BCL2L12: variants seen among roughly 807,000 people sequenced by gnomAD.
The protein encoded by BCL2L12 is bcl-2-like protein 12.
A neutral mutation model predicts 25.7 loss-of-function variants in BCL2L12; 27 were observed. That is an observed-to-expected ratio of 1.05 (90% CI 0.78 to 1.45). The LOEUF (loss-of-function observed/expected upper bound fraction) is 1.45. BCL2L12 is among the 40% of genes most tolerant of loss of function. The probability of loss-of-function intolerance (pLI) is 0.00; values close to 1 mark genes in which losing one functional copy is unlikely to be tolerated. For missense variants in BCL2L12, 302 were observed against 329.8 expected (o/e 0.92, Z 0.65); for synonymous variants, 132 against 145.6 (o/e 0.91, Z 0.67).
chr19:49,666,193 G>A (rs2122777046), intron 1 of BCL2L12, 126 bp downstream of exon 1: 1 of 1,307,618 alleles, frequency 7.6e-7, no homozygotes. Context: ...TTCCAGCAGG[G>A]GTCGGAGATT....
At chr19:49,670,187 A>G (rs769748764) in intron 5 of BCL2L12, 29 bp from the exon 6 acceptor site, 2 of 1,592,126 alleles carry the variant, frequency 1.3e-6, no homozygotes, top group Non-Finnish European at 1.7e-6. Context: ...GGCGCTGCTG[A>G]CGCGGACCCT....
chr19:49,670,535 T>C (rs1482133757), intron 6 of BCL2L12, 47 bp downstream of exon 6: 2 of 1,522,068 alleles, frequency 1.3e-6, no homozygotes, highest in Non-Finnish European at 1.8e-6. Context: ...TACCTAACTG[T>C]CATGTGATAG....
In BCL2L12 at chr19:49,672,388, A is replaced by C. The variant is rs987679297; in HGVS notation, c.703-1310A>C. 6.6e-6 allele frequency among the ~76,000 whole-genome samples: 1 copy of C among 152,048 alleles called. No individual in the cohort carries two copies. The highest frequency in any genetic ancestry group is 1.5e-5 in the Non-Finnish European group (1 of 67,998). ...AGCGGGCGACAGATGAGAGGAGGAG[A>C]GGCGCCGGGCCAGCCAGGACCCTGT... On this transcript the variant is annotated intron_variant, in intron 6 of 6. Transcript: ENST00000246784. This position sits in a 1 kb window ranked among gnomAD's most constrained non-coding sequence, Gnocchi z 4.1.
At position 49,670,233 on chromosome 19, in the gene BCL2L12, C is replaced by G; in HGVS notation, c.447C>G (p.Ala149=). 1.2e-6 allele frequency: 2 copies of G among 1,607,598 alleles called. No homozygotes were observed. The highest frequency in any genetic ancestry group is 1.7e-6 in the Non-Finnish European group (2 of 1,179,552). The change falls in exon 6 of 7, where the codon GCC becomes GCG. Residue 149 remains alanine, a synonymous_variant. Coordinates refer to ENST00000246784, the MANE Select transcript of BCL2L12 (RefSeq NM_138639.2). ...CCCTACAGCTGGCCTCGGACCCCGC[C>G]CTGCGCAGCAAGCTGGTCCGCCTGT... ...VINQKLASDP[A]LRSKLVRLSS...
upstream of BCL2L12, chr19:49,665,619 C>T (rs2081681719): frequency 6.3e-6 from 4 of 633,234 alleles, no homozygotes; most frequent in East Asian, 5.7e-5. Flanking sequence ...CTCCCGGGCT[C>T]TTCCGCGTTA....
In BCL2L12 at chr19:49,672,473, G is replaced by A. The variant is rs895773301; in HGVS notation, c.703-1225G>A. ...GGGTAAGCCAAGGTCTCTGAGCAGC[G>A]GAGGGACAGGCGCTGATTTAGGCGC... On this transcript the variant is annotated intron_variant, in intron 6 of 6. Coordinates refer to ENST00000246784, the MANE Select transcript of BCL2L12 (RefSeq NM_138639.2). This position sits in a 1 kb window ranked among gnomAD's most constrained non-coding sequence, Gnocchi z 4.1. Among the ~76,000 whole-genome samples the A allele has an allele frequency of 6.6e-6, 1 of 152,216 alleles. No individual in the cohort carries two copies. The highest frequency in any genetic ancestry group is 2.4e-5 in the African/African-American group (1 of 41,444).
upstream of BCL2L12, chr19:49,665,850 G>C: frequency 6.2e-7 from 1 of 1,603,622 alleles, no homozygotes; most frequent in Non-Finnish European, 8.5e-7. Flanking sequence ...GGCTGTTCCC[G>C]CCCCTATGCC....
upstream of BCL2L12, chr19:49,665,249 C>T (rs74735524): frequency 1.3e-4 from 25 of 190,960 alleles, no homozygotes; most frequent in African/African-American, 5.4e-4. Flanking sequence ...CAATGTAGAC[C>T]CCCTTCCACA....
intron 3 of BCL2L12, among the ~76,000 whole-genome samples, chr19:49,668,402 G>A (rs1306359316): frequency 1.3e-5 from 2 of 152,002 alleles, no homozygotes; most frequent in Non-Finnish European, 2.9e-5. Flanking sequence ...CCTGGCCCCA[G>A]CTCTGACATT....
chr19:49,666,940 G>T (rs145379081), intron 2 of BCL2L12, 79 bp from the exon 3 acceptor site: 27 of 1,559,602 alleles, frequency 1.7e-5, no homozygotes, highest in Non-Finnish European at 2.2e-5. Context: ...GTCCTCAGCG[G>T]GGGAGGGAGG....
At chr19:49,665,895 G>A (rs1314330118), upstream of BCL2L12, 9 of 1,612,736 alleles carry the variant, frequency 5.6e-6, no homozygotes, top group African/African-American at 1.3e-5. Context: ...CATGCTGGGA[G>A]CGTCACATGC....
At chr19:49,669,723 G>C (rs1035205030) in intron 5 of BCL2L12, among the ~76,000 whole-genome samples, 1 of 151,904 alleles carries the variant, frequency 6.6e-6, no homozygotes, top group Non-Finnish European at 1.5e-5. Flanking sequence ...ATGTGGGGGT[G>C]GGGGGAGTGG....
chr19:49,665,670 A>C (rs2304205), upstream of BCL2L12: 279,935 of 1,031,916 alleles, frequency 0.27, 42,351 homozygotes, highest in African/African-American at 0.61. Context: ...GCTGGAACCC[A>C]CCCCTGTCTT....
upstream of BCL2L12, chr19:49,665,646 G>C: frequency 2.6e-6 from 2 of 760,960 alleles, no homozygotes; most frequent in Non-Finnish European, 2.1e-6. Context: ...ATGGAAGGTC[G>C]GGGCGTGCGG....
chr19:49,666,116 G>T, intron 1 of BCL2L12, 49 bp downstream of exon 1: 1 of 1,509,954 alleles, frequency 6.6e-7, no homozygotes, highest in Non-Finnish European at 8.9e-7. Context: ...AGAGGAGGGG[G>T]CCGGGATCCA....
chr19:49,666,176 C>CAAGATA, intron 1 of BCL2L12, 109 bp downstream of exon 1: 1 of 1,369,206 alleles, frequency 7.3e-7, no homozygotes, highest in Admixed American at 2.8e-5. Flanking sequence ...GTCCAGGGTC[C>CAAGATA]TCTAGATTCC....
At chr19:49,668,736 A>C in intron 3 of BCL2L12, 115 bp from the exon 4 acceptor site, 1 of 1,055,084 alleles carries the variant, frequency 9.5e-7, no homozygotes, top group Non-Finnish European at 1.4e-6. Flanking sequence ...TCAATACATA[A>C]ATAAATAATA....
rs1023982997 is a variant in BCL2L12 at position 49,668,034 on chromosome 19, C to T, written c.251-817C>T. On this transcript the variant is annotated intron_variant, in intron 3 of 6. Transcript: ENST00000246784. ...GCCTCAAGTGACCCTCCCACGTCGG[C>T]CTCCCAAAATGTTGAGATTGCAGAC... Among the ~76,000 whole-genome samples, 3 of 152,066 alleles carry T rather than the reference C, an allele frequency of 2.0e-5. No homozygotes were observed. In the South Asian group the frequency reaches 6.2e-4, roughly 31 times the overall value.
Position 49,670,216 on chromosome 19 carries a change from C to T in BCL2L12, c.430C>T (p.Leu144=), listed in dbSNP as rs1356874914. 1.2e-6 allele frequency: 2 copies of T among 1,603,896 alleles called. No individual in the cohort carries two copies. The highest frequency in any genetic ancestry group is 1.7e-6 in the Non-Finnish European group (2 of 1,179,180). Reference sequence around the variant, plus strand: ...GGACCCTGCCTCTTCCACCCTACAGCTGGCCTCGGACCCCGCCCTGCGCAG... The same window carrying T: ...GGACCCTGCCTCTTCCACCCTACAGTTGGCCTCGGACCCCGCCCTGCGCAG... ...EEEAEVINQK[L]ASDPALRSKL... The change falls in exon 6 of 7, where the codon CTG becomes TTG. Residue 144 remains leucine, a splice_region_variant and synonymous_variant. Transcript: ENST00000246784.
Sources: allele counts gnomAD v4.1 joint callset (sites outside exome capture counted in the v4.1 genomes callset), GRCh38; gene constraint gnomAD v4.1.1; non-coding constraint Gnocchi (gnomAD v3.1); transcripts MANE v1.5; gene names NCBI Gene and HGNC (gene_info 2026-07-23, HGNC 2026-07-21).